WDR53: variants seen among roughly 807,000 people sequenced by gnomAD.
The protein encoded by WDR53 is WD repeat domain 53.
Under a neutral mutation model 21.3 loss-of-function variants are expected in WDR53, and 19 were observed. The observed-to-expected ratio is 0.89, with a 90% CI of 0.62 to 1.31. The LOEUF is 1.31. Among genes scored for constraint, WDR53 ranks in the 50% most tolerant of loss-of-function variants. WDR53 has a pLI of 0.00. For synonymous variants in WDR53, 157 were observed against 163.4 expected, an observed-to-expected ratio of 0.96 and a Z score of 0.30; for missense variants, 374 against 423.2, an observed-to-expected ratio of 0.88 and a Z score of 1.02.
chr3:196,555,051 A>G (rs1263886493), intron 3 of WDR53, among the ~76,000 whole-genome samples: 2 of 152,146 alleles, frequency 1.3e-5, no homozygotes, highest in Non-Finnish European at 2.9e-5. Flanking sequence ...TTTGATTAAT[A>G]AACTCCATTA....
Position 196,554,409 on chromosome 3 carries a change from T to C in WDR53, c.879A>G (p.Gly293=), listed in dbSNP as rs1279965213. 1 of 1,614,176 alleles carries C rather than the reference T, an allele frequency of 6.2e-7. No individual in the cohort carries two copies. ...KRTHRKKPKR[G]TCTKQGGNTN... is the part of the protein sequence containing the mutation. ...TATTTCCACCCTGCTTGGTGCAAGT[T>C]CCTCTTTTAGGTTTCTTCCTGTGGG... The change falls in exon 4 of 4, where the codon GGA becomes GGG. Residue 293 remains glycine (G), a synonymous_variant. Coordinates refer to ENST00000332629, the MANE Select transcript of WDR53 (RefSeq NM_182627.3).
At position 196,561,075 on chromosome 3, in the gene WDR53, C is replaced by T. The variant is rs1206944864; in HGVS notation, c.401G>A (p.Arg134Lys). Residue 134 changes from arginine (R) to lysine (K), a missense_variant, in exon 3 of 4, where the codon AGA becomes AAA. Coordinates refer to ENST00000332629, the MANE Select transcript of WDR53 (RefSeq NM_182627.3). The part of the protein sequence containing the change: ...ENKKVIRSLK[R>K]HSNICSSVAF... ...CACTGAGGAGCAGATATTGGAATGTCTCTTCAAGGATCTGATAACTTTCTT... is the reference window on the plus strand; with the variant it reads ...CACTGAGGAGCAGATATTGGAATGTTTCTTCAAGGATCTGATAACTTTCTT... 6 of 1,614,232 alleles carry T rather than the reference C, an allele frequency of 3.7e-6. No homozygotes were observed. The highest frequency in any genetic ancestry group is 4.5e-5 in the East Asian group (2 of 44,894).
chr3:196,564,244 C>T lies in WDR53; in HGVS notation c.-17+2633G>A, dbSNP rs377069522. Among the ~76,000 whole-genome samples, 15 of 151,994 alleles carry T rather than the reference C, an allele frequency of 9.9e-5. No homozygotes were observed. In the East Asian group the frequency reaches 1.5e-3, roughly 16 times the overall value. On this transcript the variant is annotated intron_variant, in intron 2 of 3. Transcript: ENST00000332629. ...GTTCCAGATAAACCTAGATTTTAAACGAAAGGCACTGATAGTATTTAGGCT... is the reference window on the plus strand; with the variant it reads ...GTTCCAGATAAACCTAGATTTTAAATGAAAGGCACTGATAGTATTTAGGCT...
intron 3 of WDR53, 85 bp from the exon 4 acceptor site, chr3:196,554,892 C>A (rs1388945550): frequency 1.7e-6 from 2 of 1,147,346 alleles, no homozygotes; most frequent in East Asian, 4.7e-5. Flanking sequence ...CTAATAAAAT[C>A]GTTAAAGTAG....
chr3:196,564,304 G>A (rs1735160435), intron 2 of WDR53, among the ~76,000 whole-genome samples: 2 of 152,012 alleles, frequency 1.3e-5, no homozygotes, highest in Admixed American at 6.5e-5. Flanking sequence ...TCATGATAAA[G>A]ATGCTATCCT....
At position 196,567,218 on chromosome 3, in the gene WDR53, T is replaced by C. The variant is rs1406324963; in HGVS notation, c.-358A>G. ...TCACCAGAGTCAGCACAGGTCAACT[T>C]TTCTCTACAGGCTTGGGGTTTCTGA... On this transcript the variant is annotated 5_prime_UTR_variant, in exon 2 of 4. Transcript: ENST00000332629. The C allele has an allele frequency of 4.4e-6, 2 of 457,236 alleles. No individual in the cohort carries two copies. The highest frequency in any genetic ancestry group is 8.8e-6 in the Non-Finnish European group (2 of 227,058). 28.3% of individuals were successfully genotyped at this position (457,236 alleles called of 1,614,324 possible).
At chr3:196,562,390 T>C (rs945526854) in intron 2 of WDR53, among the ~76,000 whole-genome samples, 5 of 152,114 alleles carry the variant, frequency 3.3e-5, no homozygotes, top group Admixed American at 3.3e-4. Context: ...GCCTCCCGAG[T>C]AGCTGAGATA....
At chr3:196,561,543 T>C in intron 2 of WDR53, 52 bp from the exon 3 acceptor site, 2 of 1,507,540 alleles carry the variant, frequency 1.3e-6, no homozygotes, top group South Asian at 1.3e-5. Flanking sequence ...ATCGACTTGA[T>C]GGGAGGAGAC....
chr3:196,563,035 G>A (rs1251064135), intron 2 of WDR53, among the ~76,000 whole-genome samples: 2 of 151,902 alleles, frequency 1.3e-5, no homozygotes, highest in Non-Finnish European at 2.9e-5. Flanking sequence ...GCAAAGTCGG[G>A]GTCTCCCTAT....
chr3:196,557,482 C>T (rs1043338050), intron 3 of WDR53, among the ~76,000 whole-genome samples: 2 of 152,238 alleles, frequency 1.3e-5, no homozygotes, highest in Non-Finnish European at 2.9e-5. Context: ...TGCGAGGCTG[C>T]GGTGAGCTCT....
chr3:196,558,779 C>T (rs528746663), intron 3 of WDR53, among the ~76,000 whole-genome samples: 1 of 152,314 alleles, frequency 6.6e-6, no homozygotes, highest in East Asian at 1.9e-4. Flanking sequence ...AGGAAGACAA[C>T]TGTGGAAATA....
At position 196,561,441 on chromosome 3, in the gene WDR53, G is replaced by A. The variant is rs1577572126; in HGVS notation, c.35C>T (p.Pro12Leu). The A allele has an allele frequency of 6.2e-7, 1 of 1,613,806 alleles. No individual in the cohort carries two copies. The highest frequency in any genetic ancestry group is 8.5e-7 in the Non-Finnish European group (1 of 1,179,992). Reference protein sequence around the residue: ...AVKWTGGHSSPVLCLNASKEG... With the variant: ...AVKWTGGHSSLVLCLNASKEG... Reference sequence around the variant, plus strand: ...TTTACTTGCATTCAGGCAGAGGACAGGAGAAGAATGCCCACCCGTCCACTT... The same window carrying A: ...TTTACTTGCATTCAGGCAGAGGACAAGAGAAGAATGCCCACCCGTCCACTT... The change falls in exon 3 of 4, where the codon CCT becomes CTT. Residue 12 changes from proline (P) to leucine (L), a missense_variant. By Grantham distance (98) the Pro-to-Leu change is moderately conservative. Transcript: ENST00000332629.
At chr3:196,558,605 T>C (rs1734548633) in intron 3 of WDR53, among the ~76,000 whole-genome samples, 1 of 152,248 alleles carries the variant, frequency 6.6e-6, no homozygotes, top group Non-Finnish European at 1.5e-5. Flanking sequence ...ATGCTGAACA[T>C]GGCAATCATT....
chr3:196,554,570 G>A lies in WDR53; in HGVS notation c.718C>T (p.His240Tyr). Residue 240 changes from histidine (H) to tyrosine (Y), a missense_variant, in exon 4 of 4, where the codon CAC (histidine) becomes TAC (tyrosine). Coordinates refer to ENST00000332629, the MANE Select transcript of WDR53 (RefSeq NM_182627.3). Reference protein sequence around the residue: ...KCEQELGFKGHTSGVSQVCFL... With the variant: ...KCEQELGFKGYTSGVSQVCFL... ...CAGACCTGGGATACCCCTGAAGTGT[G>A]GCCCTTAAATCCCAGTTCCTGTTCA... The A allele has an allele frequency of 2.5e-6, 4 of 1,614,010 alleles. No individual in the cohort carries two copies. The highest frequency in any genetic ancestry group is 3.4e-6 in the Non-Finnish European group (4 of 1,179,964).
At chr3:196,563,629 T>C (rs1036946845) in intron 2 of WDR53, among the ~76,000 whole-genome samples, 1 of 151,132 alleles carries the variant, frequency 6.6e-6, no homozygotes, top group Admixed American at 6.6e-5. Flanking sequence ...TGGAGTGCAA[T>C]GGCACAATCT....
In WDR53 at chr3:196,554,292, A is replaced by C; in HGVS notation, c.996T>G (p.Gly332=). The C allele has an allele frequency of 6.2e-7, 1 of 1,614,118 alleles. No individual in the cohort carries two copies. Residue 332 remains glycine (G), a synonymous_variant, in exon 4 of 4, where the codon GGT becomes GGG. Transcript: ENST00000332629. ...TATTTTGGTGTCCCTTTATTTTTGT[A>C]CCCAAGAGCCAGTTCACTTTTTCTC... ...EHGEKVNWLL[G]TKIKGHQNIL...
rs767268004 is a variant in WDR53, at chr3:196,554,242, C to A, written c.1046G>T (p.Cys349Phe). 6.2e-7 allele frequency: 1 copy of A among 1,612,938 alleles called. No individual in the cohort carries two copies. Among genetic ancestry groups the A allele is most frequent in the African/African-American group, 1.3e-5 (1 of 74,776 alleles). ...QNILVADQTS[C>F]ISVYPLNEF The stretch of plus-strand genomic sequence containing the variant: ...TTCATTTAAGGGGTATACAGATATA[C>A]AACTAGTTTGATCAGCTACTAATAT... The change falls in exon 4 of 4, where the codon TGT becomes TTT. Residue 349 changes from cysteine to phenylalanine, a missense_variant. By Grantham distance (205) the Cys-to-Phe change is radical. Transcript: ENST00000332629.
chr3:196,564,344 A>C (rs541165573), intron 2 of WDR53, among the ~76,000 whole-genome samples: 1 of 152,044 alleles, frequency 6.6e-6, no homozygotes, highest in African/African-American at 2.4e-5. Flanking sequence ...TGAAAAGTCA[A>C]TTTAAGTTAC....
Position 196,561,221 on chromosome 3 carries a change from A to G in WDR53, c.255T>C (p.Asp85=). 6.2e-7 allele frequency: 1 copy of G among 1,614,208 alleles called. No individual in the cohort carries two copies. The highest frequency in any genetic ancestry group is 1.1e-5 in the South Asian group (1 of 91,086). The change falls in exon 3 of 4, where the codon GAT becomes GAC. Residue 85 remains aspartate, a synonymous_variant. Coordinates refer to ENST00000332629, the MANE Select transcript of WDR53 (RefSeq NM_182627.3). The part of the protein sequence containing the change: ...ISVLDVRSLK[D]SLDHFHVNEE... ...CATTCACATGAAAATGGTCCAAGGA[A>G]TCTTTGAGGGACCTGACATCCAGTA...
Sources: gnomAD v4.1 joint callset for allele counts (sites outside exome capture counted in the v4.1 genomes callset) on GRCh38, gnomAD v4.1.1 for gene constraint, MANE v1.5 for transcripts, NCBI Gene and HGNC (gene_info 2026-07-23, HGNC 2026-07-21) for gene names.